Variants in ARHGEF10L observed in about 807,000 individuals in gnomAD.
The protein encoded by ARHGEF10L is rho guanine nucleotide exchange factor 10-like protein.
In ARHGEF10L, 69 loss-of-function variants were observed where a neutral mutation model predicts 141.2. That is an observed-to-expected ratio of 0.49 (90% CI 0.40 to 0.60). The LOEUF is 0.60. ARHGEF10L is among the 20% of genes least tolerant of loss of function. ARHGEF10L has a pLI of 0.00. For missense variants in ARHGEF10L, 1,482 were observed against 1,734.3 expected (o/e 0.85, Z 2.58); for synonymous variants, 711 against 718.5 (o/e 0.99, Z 0.17).
In ARHGEF10L at chr1:17,619,290, G is replaced by T. The variant is rs1296294046; in HGVS notation, c.836-49G>T. 6 of 1,556,736 alleles carry T rather than the reference G, an allele frequency of 3.9e-6. No individual in the cohort carries two copies. Among genetic ancestry groups the T allele is most frequent in the Non-Finnish European group, 5.3e-6 (6 of 1,134,336 alleles). The stretch of plus-strand genomic sequence containing the variant: ...TCTCAGCTCCTGAGGCCTGAGCAGG[G>T]TGTGCTGTCCCTGCCTTAGCTGTGT... On this transcript the variant is annotated intron_variant, in intron 9 of 28. Coordinates refer to ENST00000361221, the MANE Select transcript of ARHGEF10L (RefSeq NM_018125.4). The surrounding 1 kb of genome is among the most constrained non-coding windows in gnomAD (Gnocchi z 5.0).
chr1:17,687,018 C>G (rs112691845), intron 26 of ARHGEF10L, among the ~76,000 whole-genome samples: 218 of 152,182 alleles, frequency 1.4e-3, no homozygotes, highest in African/African-American at 4.9e-3. Context: ...CTTGATGTAT[C>G]AATTTTGGGA....
chr1:17,638,135 G>T (rs941074357), intron 19 of ARHGEF10L, 132 bp downstream of exon 19: 2 of 812,458 alleles, frequency 2.5e-6, no homozygotes, highest in African/African-American at 3.5e-5. Context: ...CTGAGCTCCT[G>T]TTGGCAACTG....
chr1:17,663,311 G>C (rs1409461587), intron 25 of ARHGEF10L, among the ~76,000 whole-genome samples: 1 of 152,108 alleles, frequency 6.6e-6, no homozygotes, highest in African/African-American at 2.4e-5. Flanking sequence ...CAGAACTTTG[G>C]GAGGCCGAGG....
At chr1:17,560,712 T>G (rs1427061363) in intron 1 of ARHGEF10L, among the ~76,000 whole-genome samples, 2 of 152,206 alleles carry the variant, frequency 1.3e-5, no homozygotes, top group Admixed American at 1.3e-4. Context: ...ATTACAGGCA[T>G]GCACCACCAC....
Position 17,655,973 on chromosome 1 carries a change from C to A in ARHGEF10L, c.2576C>A (p.Ala859Asp). ...ACCGTCAAGTCCTTCCCACTGGCAG[C>A]CCCTGTGCTCTGCATGGAGTATATC... ...PRTVKSFPLA[A>D]PVLCMEYIPE... The change falls in exon 24 of 29, where the codon GCC becomes GAC. Residue 859 changes from alanine to aspartate, a missense_variant. Physicochemically the swap from Ala to Asp is moderately radical, Grantham distance 126. Coordinates refer to ENST00000361221, the MANE Select transcript of ARHGEF10L (RefSeq NM_018125.4). 6.4e-7 allele frequency: 1 copy of A among 1,565,380 alleles called. No individual in the cohort carries two copies. The highest frequency in any genetic ancestry group is 8.7e-7 in the Non-Finnish European group (1 of 1,154,216).
In ARHGEF10L at chr1:17,648,745, G is replaced by A. The variant is rs530725405; in HGVS notation, c.2394+70G>A. 1.0e-4 allele frequency: 162 copies of A among 1,574,042 alleles called. 1 individual carries two copies. The highest frequency in any genetic ancestry group is 1.3e-4 in the Non-Finnish European group (155 of 1,153,878). The stretch of plus-strand genomic sequence containing the variant: ...GGCTCCCCCTCGCCTGGGAGAACCA[G>A]AGTTTCCAGGGAGCGCCCACAGCAG... On this transcript the variant is annotated intron_variant, in intron 22 of 28. Coordinates refer to ENST00000361221, the MANE Select transcript of ARHGEF10L (RefSeq NM_018125.4).
intron 26 of ARHGEF10L, among the ~76,000 whole-genome samples, chr1:17,677,889 G>A (rs994130582): frequency 2.6e-4 from 39 of 152,128 alleles, no homozygotes; most frequent in Admixed American, 2.6e-3. Flanking sequence ...TGAATGTCAT[G>A]CAGACCCAGG....
At chr1:17,694,834 C>T (rs1055064244) in intron 27 of ARHGEF10L, 42 of 483,048 alleles carry the variant, frequency 8.7e-5, no homozygotes, top group African/African-American at 3.1e-4. Flanking sequence ...CCCTTTGTGC[C>T]GGATGACCTG....
At chr1:17,622,910 T>G in intron 11 of ARHGEF10L, 86 bp from the exon 12 acceptor site, 1 of 1,450,538 alleles carries the variant, frequency 6.9e-7, no homozygotes. Context: ...GGAAGGCCCA[T>G]TCATGGCTGG....
intron 1 of ARHGEF10L, among the ~76,000 whole-genome samples, chr1:17,542,646 T>A (rs540402010): frequency 1.5e-4 from 23 of 152,308 alleles, no homozygotes; most frequent in African/African-American, 5.5e-4. Flanking sequence ...GTAAATGATA[T>A]ATATGCCATG....
chr1:17,662,337 C>G (rs1239912682), intron 25 of ARHGEF10L, among the ~76,000 whole-genome samples: 7 of 152,272 alleles, frequency 4.6e-5, no homozygotes, highest in African/African-American at 1.7e-4. Context: ...TGTATTGACT[C>G]CCTGCAACAT....
the ARHGEF10L span, among the ~76,000 whole-genome samples, chr1:17,523,832 A>T: frequency 9.2e-5 from 14 of 152,210 alleles, no homozygotes; most frequent in African/African-American, 3.4e-4. Flanking sequence ...CTGGTGATTT[A>T]TTCCCTGTGA....
chr1:17,675,973 A>AGTGTGGGTGCAGGTGTGTGCAG (rs2063659637), intron 26 of ARHGEF10L, among the ~76,000 whole-genome samples: 5 of 79,976 alleles, frequency 6.3e-5, no homozygotes, highest in Non-Finnish European at 7.7e-5. Flanking sequence ...TGTGTGTGCA[A>AGTGTGGGTGCAGGTGTGTGCAG]GTGTGGGTGC....
rs1314922335 is a variant in ARHGEF10L at position 17,697,813 on chromosome 1, C to A, written c.*433C>A. 3.4e-6 allele frequency: 1 copy of A among 296,310 alleles called. No individual in the cohort carries two copies. The highest frequency in any genetic ancestry group is 7.0e-6 in the Non-Finnish European group (1 of 143,086). 18.4% of individuals were successfully genotyped at this position (296,310 alleles called of 1,614,324 possible). On this transcript the variant is annotated 3_prime_UTR_variant, in exon 29 of 29. Transcript: ENST00000361221. This position sits in a 1 kb window ranked among gnomAD's most constrained non-coding sequence, Gnocchi z 4.8. ...TATATTATATGTGTATAAATAAAGTCTGTACATATTGGAGCTCTGGGAGAT... is the reference window on the plus strand; with the variant it reads ...TATATTATATGTGTATAAATAAAGTATGTACATATTGGAGCTCTGGGAGAT...
intron 26 of ARHGEF10L, among the ~76,000 whole-genome samples, chr1:17,670,614 C>T (rs2063263792): frequency 6.6e-6 from 1 of 152,264 alleles, no homozygotes. Flanking sequence ...AAGGCTGCTC[C>T]CTGACAAGGT....
At chr1:17,610,517 AG>A (rs2059492576) in intron 7 of ARHGEF10L, among the ~76,000 whole-genome samples, 1 of 152,148 alleles carries the variant, frequency 6.6e-6, no homozygotes, top group Admixed American at 6.5e-5. Flanking sequence ...GGGAGACAGG[AG>A]GTTGCGGAGG....
At chr1:17,640,024 C>T (rs760953256) in intron 20 of ARHGEF10L, 178 bp from the exon 21 acceptor site, 2 of 1,469,578 alleles carry the variant, frequency 1.4e-6, no homozygotes, top group South Asian at 1.4e-5. Context: ...GGATTCCTCC[C>T]CCAGGGGACC....
intron 1 of ARHGEF10L, among the ~76,000 whole-genome samples, chr1:17,540,158 C>G (rs1193153136): frequency 1.3e-5 from 2 of 151,974 alleles, no homozygotes; most frequent in African/African-American, 4.8e-5. Context: ...GTGGGTCTCT[C>G]CTTGTGTCAC....
At chr1:17,561,572 T>C (rs1048913226) in intron 1 of ARHGEF10L, among the ~76,000 whole-genome samples, 1 of 152,182 alleles carries the variant, frequency 6.6e-6, no homozygotes, top group Non-Finnish European at 1.5e-5. Flanking sequence ...TGGGCGCTGG[T>C]GGCAGAGCCA....
Sources: gnomAD v4.1 joint callset for allele counts (sites outside exome capture counted in the v4.1 genomes callset) on GRCh38, gnomAD v4.1.1 for gene constraint, Gnocchi (gnomAD v3.1) non-coding constraint, MANE v1.5 for transcripts, NCBI Gene and HGNC (gene_info 2026-07-23, HGNC 2026-07-21) for gene names.